ZNF624: variants seen among roughly 807,000 people sequenced by gnomAD.
ZNF624 encodes zinc finger protein 624.
A neutral mutation model predicts 74.7 loss-of-function variants in ZNF624; 43 were observed. The ratio of observed to expected loss-of-function variants is 0.58; its 90% CI spans 0.45 to 0.74. The LOEUF (loss-of-function observed/expected upper bound fraction) is 0.74, where lower values mean the gene tolerates loss of function less well. ZNF624 is among the 30% of genes least tolerant of loss of function. The pLI is 0.00. For synonymous variants in ZNF624, 331 were observed against 341.3 expected (o/e 0.97, Z 0.33); for missense variants, 820 against 1,030.0 (o/e 0.80, Z 2.79).
rs1909013124 is a variant in ZNF624 at position 16,624,432 on chromosome 17, G to A, written c.454C>T (p.Leu152=). ...AGACCATTCTCTGTAAGTTTCTCTAGTATGGCCTCCTGTGATAAATCTTCA... is the reference window on the plus strand; with the variant it reads ...AGACCATTCTCTGTAAGTTTCTCTAATATGGCCTCCTGTGATAAATCTTCA... The part of the protein sequence containing the change: ...ISEDLSQEAI[L]EKLTENGLWD... The change falls in exon 6 of 6, where the codon CTA becomes TTA. Residue 152 remains leucine (L), a synonymous_variant. Transcript: ENST00000311331. 2.5e-6 allele frequency: 4 copies of A among 1,610,296 alleles called. No homozygotes were observed. In the East Asian group the frequency reaches 8.9e-5, roughly 36 times the overall value.
chr17:16,634,726 C>G lies in ZNF624; in HGVS notation c.184G>C (p.Asp62His). The change falls in exon 4 of 6, where the codon GAC becomes CAC. Residue 62 changes from aspartate to histidine, a missense_variant. Transcript: ENST00000311331. ...ESVTFKDVAI[D>H]FTLEEWRLMD... is the part of the protein sequence containing the mutation. ...AACCTCCACTCCTCCAATGTGAAGT[C>G]TATAGCCACATCCTTAAATGTCACC... 1 of 1,613,664 alleles carries G rather than the reference C, an allele frequency of 6.2e-7. No individual in the cohort carries two copies. The highest frequency in any genetic ancestry group is 8.5e-7 in the Non-Finnish European group (1 of 1,179,686).
intron 3 of ZNF624, among the ~76,000 whole-genome samples, chr17:16,638,296 G>A (rs1235780256): frequency 2.0e-5 from 3 of 152,212 alleles, no homozygotes; most frequent in Admixed American, 1.3e-4. Flanking sequence ...CATTGTGGAA[G>A]TCAGTGTGGC....
At chr17:16,615,111 T>C in the ZNF624 span, among the ~76,000 whole-genome samples, 1 of 152,134 alleles carries the variant, frequency 6.6e-6, no homozygotes, top group Non-Finnish European at 1.5e-5. Context: ...TTCTTTTTTA[T>C]TTTGGAGATG....
At chr17:16,639,286 T>A (rs1909412525) in intron 3 of ZNF624, among the ~76,000 whole-genome samples, 1 of 152,216 alleles carries the variant, frequency 6.6e-6, no homozygotes, top group East Asian at 1.9e-4. Flanking sequence ...TGTATGCTTG[T>A]CATACATGTC....
At chr17:16,652,405 G>A (rs1315395561) in intron 1 of ZNF624, among the ~76,000 whole-genome samples, 1 of 152,144 alleles carries the variant, frequency 6.6e-6, no homozygotes, top group Non-Finnish European at 1.5e-5. Context: ...AAGGTCTAGA[G>A]TAATGGTTTT....
At chr17:16,636,453 A>G (rs1909332517) in intron 3 of ZNF624, among the ~76,000 whole-genome samples, 1 of 152,236 alleles carries the variant, frequency 6.6e-6, no homozygotes, top group Non-Finnish European at 1.5e-5. Flanking sequence ...AGCTGCTAAC[A>G]TAAAAGAAAG....
chr17:16,624,565 A>C, intron 5 of ZNF624, 56 bp from the exon 6 acceptor site: 9 of 1,419,666 alleles, frequency 6.3e-6, no homozygotes, highest in Non-Finnish European at 8.6e-6. Flanking sequence ...GGGCAATCTC[A>C]CTAAACAGAA....
At position 16,624,474 on chromosome 17, in the gene ZNF624, G is replaced by A. The variant is rs766301946; in HGVS notation, c.412C>T (p.Arg138Ter). The A allele has an allele frequency of 1.9e-6, 3 of 1,586,240 alleles. No homozygotes were observed. Among genetic ancestry groups the A allele is most frequent in the Middle Eastern group, 1.7e-4 (1 of 5,910 alleles). The change falls in exon 6 of 6, where the codon CGA becomes TGA. Residue 138 changes from arginine to a stop codon, truncating the protein, a stop_gained. Transcript: ENST00000311331. LOFTEE classifies it high-confidence loss of function. ...EPKPATKKAT[R>*]TKAISEDLSQ... Reference sequence around the variant, plus strand: ...AAATCTTCAGAAATAGCCTTTGTTCGTGTAGCCTTCTTGGTTGCAGGTTTG... The same window carrying A: ...AAATCTTCAGAAATAGCCTTTGTTCATGTAGCCTTCTTGGTTGCAGGTTTG...
At chr17:16,639,373 T>A (rs1909414134) in intron 3 of ZNF624, among the ~76,000 whole-genome samples, 1 of 152,210 alleles carries the variant, frequency 6.6e-6, no homozygotes, top group Non-Finnish European at 1.5e-5. Context: ...CTGCTAATAA[T>A]AAGACATGGC....
chr17:16,635,159 T>C (rs940302359), intron 3 of ZNF624, among the ~76,000 whole-genome samples: 3 of 152,222 alleles, frequency 2.0e-5, no homozygotes, highest in Admixed American at 6.5e-5. Flanking sequence ...ATCTAAAATA[T>C]CAATTTTCTT....
intron 5 of ZNF624, among the ~76,000 whole-genome samples, chr17:16,629,909 A>G (rs550657113): frequency 1.1e-4 from 16 of 152,260 alleles, no homozygotes; most frequent in African/African-American, 3.9e-4. Flanking sequence ...AGAATGTGAG[A>G]CATTAAAAAT....
intron 5 of ZNF624, among the ~76,000 whole-genome samples, chr17:16,628,196 G>C (rs1415656388): frequency 1.3e-5 from 2 of 152,244 alleles, no homozygotes; most frequent in South Asian, 2.1e-4. Context: ...TTGGGAGGTG[G>C]AGGTTGCAGT....
chr17:16,617,672 G>A (rs1908818695), downstream of ZNF624: 7 of 1,606,360 alleles, frequency 4.4e-6, no homozygotes, highest in South Asian at 7.7e-5. Flanking sequence ...GCGGGCCCCG[G>A]GCGTGCTCTA....
At chr17:16,631,294 C>G (rs1047267354) in intron 5 of ZNF624, 3 of 152,076 alleles carry the variant, frequency 2.0e-5, no homozygotes, top group African/African-American at 7.2e-5. Flanking sequence ...AGCTGAAAAT[C>G]AACGATCTAA....
downstream of ZNF624, among the ~76,000 whole-genome samples, chr17:16,619,712 T>A (rs1908862607): frequency 6.6e-6 from 1 of 152,228 alleles, no homozygotes; most frequent in African/African-American, 2.4e-5. Context: ...GTGTGGGTCA[T>A]CCCCAACCCC....
chr17:16,619,987 ATAGT>A (rs1225674999), downstream of ZNF624, among the ~76,000 whole-genome samples: 3 of 152,202 alleles, frequency 2.0e-5, no homozygotes, highest in Non-Finnish European at 2.9e-5. Context: ...TCTCTTAGTA[ATAGT>A]TAATGTTTCA....
In ZNF624 at chr17:16,634,646, C is replaced by T; in HGVS notation, c.264G>A (p.Arg88=). 1 of 1,613,328 alleles carries T rather than the reference C, an allele frequency of 6.2e-7. No homozygotes were observed. Among genetic ancestry groups the T allele is most frequent in the African/African-American group, 1.3e-5 (1 of 75,038 alleles). ...TATCCTTACCCAGGGAGACCAGATT[C>T]CTGTAATTCTCTAGCATCACATCCT... ...LHKDVMLENY[R]NLVSLGLAVS... is the part of the protein sequence containing the mutation. Residue 88 remains arginine (R), a synonymous_variant, in exon 4 of 6, where the codon AGG becomes AGA. Transcript: ENST00000311331.
At position 16,623,461 on chromosome 17, in the gene ZNF624, G is replaced by A. The variant is rs138076605; in HGVS notation, c.1425C>T (p.Asn475=). The A allele has an allele frequency of 5.1e-4, 819 of 1,613,226 alleles. 2 individuals carry two copies. Among genetic ancestry groups the A allele is most frequent in the South Asian group, 6.4e-4 (58 of 90,994 alleles). Residue 475 remains asparagine (N), a synonymous_variant, in exon 6 of 6, where the codon AAC becomes AAT. Transcript: ENST00000311331. This position sits in a 1 kb window ranked among gnomAD's most constrained non-coding sequence, Gnocchi z 5.3. ...TACTTCTATAGGCTTTTCCACATTC[G>A]TTACATCTAAAAGGTTTCTCTCCAG... ...IHTGEKPFRC[N]ECGKAYRSNS...
At chr17:16,651,416 C>A (rs961812525) in intron 1 of ZNF624, among the ~76,000 whole-genome samples, 17 of 140,568 alleles carry the variant, frequency 1.2e-4, no homozygotes, top group East Asian at 4.1e-4. Context: ...GGCGACACAG[C>A]GAGACTCCAT....
Sources: allele counts gnomAD v4.1 joint callset (sites outside exome capture counted in the v4.1 genomes callset), GRCh38; gene constraint gnomAD v4.1.1; non-coding constraint Gnocchi (gnomAD v3.1); transcripts MANE v1.5; gene names NCBI Gene and HGNC (gene_info 2026-07-23, HGNC 2026-07-21).